Variants in RERE observed in about 807,000 individuals in gnomAD.
The protein encoded by RERE is arginine-glutamic acid dipeptide repeats protein.
Under a neutral mutation model 146.1 loss-of-function variants are expected in RERE, and 40 were observed. The observed-to-expected ratio is 0.27, with a 90% confidence interval of 0.21 to 0.36. RERE has a LOEUF of 0.36. RERE is among the 10% of genes least tolerant of loss of function. RERE has a pLI of 1.00. For missense variants in RERE, 1,933 were observed against 2,138.7 expected, an observed-to-expected ratio of 0.90 and a Z score of 1.90; for synonymous variants, 1,003 against 866.0, an observed-to-expected ratio of 1.16 and a Z score of -2.78.
intron 7 of RERE, among the ~76,000 whole-genome samples, chr1:8,520,641 A>G (rs904209595): frequency 2.6e-5 from 4 of 151,046 alleles, no homozygotes; most frequent in Non-Finnish European, 5.9e-5. Context: ...ATAAAACAAC[A>G]TTCCACCACA....
chr1:8,513,080 A>C (rs1319705800), intron 7 of RERE: 1 of 152,268 alleles, frequency 6.6e-6, no homozygotes, highest in Non-Finnish European at 1.5e-5. Context: ...GTTCAGGGCT[A>C]CTGCCTAAGC....
intron 1 of RERE, among the ~76,000 whole-genome samples, chr1:8,794,121 G>A (rs1435645093): frequency 2.0e-5 from 3 of 150,898 alleles, no homozygotes; most frequent in African/African-American, 7.3e-5. Context: ...CTGAAGGCTG[G>A]GCGCGGTGGC....
At chr1:8,651,600 C>A (rs931739300) in intron 2 of RERE, among the ~76,000 whole-genome samples, 2 of 152,050 alleles carry the variant, frequency 1.3e-5, no homozygotes, top group African/African-American at 4.8e-5. Context: ...GTGGCTTAGG[C>A]CTATAATCCC....
intron 1 of RERE, among the ~76,000 whole-genome samples, chr1:8,706,896 G>A (rs1639570499): frequency 6.6e-6 from 1 of 152,144 alleles, no homozygotes; most frequent in South Asian, 2.1e-4. Context: ...AATTTTTCAG[G>A]TGTTTTGCAC....
At chr1:8,546,963 A>G (rs1645870433) in intron 6 of RERE, among the ~76,000 whole-genome samples, 1 of 152,148 alleles carries the variant, frequency 6.6e-6, no homozygotes, top group Non-Finnish European at 1.5e-5. Flanking sequence ...AAGACAAAAA[A>G]GGGGATATGA....
chr1:8,488,839 A>G (rs936548934), intron 10 of RERE, among the ~76,000 whole-genome samples: 2 of 152,236 alleles, frequency 1.3e-5, no homozygotes, highest in African/African-American at 4.8e-5. Flanking sequence ...TTCAAACAAC[A>G]GGTATCTGTG....
At chr1:8,418,005 A>C (rs1643824886) in intron 12 of RERE, among the ~76,000 whole-genome samples, 1 of 152,138 alleles carries the variant, frequency 6.6e-6, no homozygotes, top group Non-Finnish European at 1.5e-5. Context: ...TTAGCTTTCC[A>C]GGAGCCTCTG....
chr1:8,418,276 A>G (rs1468990366), intron 12 of RERE, among the ~76,000 whole-genome samples: 3 of 152,238 alleles, frequency 2.0e-5, no homozygotes, highest in Non-Finnish European at 2.9e-5. Flanking sequence ...TGCACCACCA[A>G]CTGGGATTAC....
At chr1:8,541,140 C>T (rs1201454379) in intron 7 of RERE, 74 bp downstream of exon 7, 12 of 782,052 alleles carry the variant, frequency 1.5e-5, no homozygotes, top group African/African-American at 3.5e-5. Flanking sequence ...ACTACACACA[C>T]ACACACATAC....
chr1:8,591,100 C>G (rs1646487041), intron 4 of RERE, among the ~76,000 whole-genome samples: 1 of 152,184 alleles, frequency 6.6e-6, no homozygotes, highest in Non-Finnish European at 1.5e-5. Context: ...CCAACTGAGA[C>G]TCTGAAGAGA....
intron 1 of RERE, among the ~76,000 whole-genome samples, chr1:8,710,981 A>G (rs1639655502): frequency 1.3e-5 from 2 of 151,748 alleles, no homozygotes; most frequent in Non-Finnish European, 2.9e-5. Flanking sequence ...ACATGGCAAC[A>G]CCCCATCTCC....
intron 7 of RERE, among the ~76,000 whole-genome samples, chr1:8,518,237 A>G (rs1388519456): frequency 3.9e-5 from 6 of 152,298 alleles, no homozygotes; most frequent in Non-Finnish European, 8.8e-5. Flanking sequence ...TGAAGCAACT[A>G]AGGGCAAGAG....
chr1:8,654,963 A>C (rs941410304), intron 2 of RERE, among the ~76,000 whole-genome samples: 5 of 152,134 alleles, frequency 3.3e-5, no homozygotes, highest in African/African-American at 1.2e-4. Context: ...ACATCAAATG[A>C]AAAGGAAAGG....
At chr1:8,373,320 T>C (rs1335201206) in intron 12 of RERE, among the ~76,000 whole-genome samples, 1 of 152,214 alleles carries the variant, frequency 6.6e-6, no homozygotes, top group Non-Finnish European at 1.5e-5. Flanking sequence ...GTTGTTCCCC[T>C]GCTTAAACTT....
chr1:8,492,744 A>T (rs6677736), intron 10 of RERE, among the ~76,000 whole-genome samples: 88,462 of 151,172 alleles, frequency 0.59, 26,488 homozygotes, highest in East Asian at 0.83. Flanking sequence ...GACAAAAAAA[A>T]TTTTTATTTA....
At chr1:8,580,681 C>T (rs1041280218) in intron 4 of RERE, among the ~76,000 whole-genome samples, 4 of 152,106 alleles carry the variant, frequency 2.6e-5, no homozygotes, top group Non-Finnish European at 5.9e-5. Context: ...TCAATCCTCA[C>T]CCTACCCATA....
intron 1 of RERE, among the ~76,000 whole-genome samples, chr1:8,687,388 C>G (rs1639114766): frequency 6.6e-6 from 1 of 152,008 alleles, no homozygotes; most frequent in African/African-American, 2.4e-5. Flanking sequence ...ACCATGAGGC[C>G]AAGGAGGAAG....
At chr1:8,382,513 CTGTCTAGCCT>C (rs1170476637) in intron 12 of RERE, among the ~76,000 whole-genome samples, 2 of 152,252 alleles carry the variant, frequency 1.3e-5, no homozygotes, top group Non-Finnish European at 1.5e-5. Context: ...CAAACATTGA[CTGTCTAGCCT>C]TTTTCAACTG....
intron 12 of RERE, among the ~76,000 whole-genome samples, chr1:8,398,139 A>C (rs1290262311): frequency 6.6e-6 from 1 of 152,252 alleles, no homozygotes; most frequent in Non-Finnish European, 1.5e-5. Context: ...AAGTTTAAAA[A>C]TGTAGAGCAT....
Sources: gnomAD v4.1 joint callset for allele counts (sites outside exome capture counted in the v4.1 genomes callset) on GRCh38, gnomAD v4.1.1 for gene constraint, MANE v1.5 for transcripts, NCBI Gene and HGNC (gene_info 2026-07-23, HGNC 2026-07-21) for gene names.